The following KCNK10 variants were observed in gnomAD, a reference collection of about 807,000 sequenced individuals.
KCNK10 encodes the protein potassium two pore domain channel subfamily K member 10.
A neutral mutation model predicts 47.7 loss-of-function variants in KCNK10; 25 were observed. That is an observed-to-expected ratio of 0.52 (90% confidence interval 0.38 to 0.73). The LOEUF (loss-of-function observed/expected upper bound fraction) is 0.73, where lower values mean the gene tolerates loss of function less well. Ranked by LOEUF, KCNK10 falls within the 30% of genes least tolerant of loss-of-function variation. KCNK10 has a pLI of 0.00. For synonymous variants in KCNK10, 303 were observed against 285.6 expected, an observed-to-expected ratio of 1.06 and a Z score of -0.61; for missense variants, 563 against 714.5, an observed-to-expected ratio of 0.79 and a Z score of 2.42.
At chr14:88,206,931 T>C (rs897103513) in intron 4 of KCNK10, among the ~76,000 whole-genome samples, 1 of 152,190 alleles carries the variant, frequency 6.6e-6, no homozygotes, top group Non-Finnish European at 1.5e-5. Context: ...GAAGGTAAAT[T>C]GTATACTGTA....
intron 2 of KCNK10, among the ~76,000 whole-genome samples, chr14:88,250,539 G>GACAAACAGAGGGCTGCTCTAGATCT (rs1886764905): frequency 2.6e-5 from 4 of 152,292 alleles, no homozygotes; most frequent in African/African-American, 7.2e-5. Context: ...GCCCAGGGCA[G>GACAAACAGAGGGCTGCTCTAGATCT]ACAAACAGAG....
rs201727669 is a variant in KCNK10 at position 88,185,638 on chromosome 14, G to A, written c.1529C>T (p.Thr510Met). 48 of 1,614,038 alleles carry A rather than the reference G, an allele frequency of 3.0e-5. No homozygotes were observed. The highest frequency in any genetic ancestry group is 3.3e-4 in the Middle Eastern group (2 of 6,084). ...CTCAGCGTGCTGCTGGATACAGTCCGTCAGCATGGCTGTGCTGGAGTTGTC... is the reference window on the plus strand; with the variant it reads ...CTCAGCGTGCTGCTGGATACAGTCCATCAGCATGGCTGTGCTGGAGTTGTC... The part of the protein sequence containing the change: ...NSDNSSTAML[T>M]DCIQQHAELE... Residue 510 changes from threonine (T) to methionine (M), a missense_variant, in exon 7 of 7, where the codon ACG becomes ATG. By Grantham distance (81) the Thr-to-Met change is moderately conservative (BLOSUM62 -1). Transcript: ENST00000319231. The surrounding 1 kb of genome is among the most constrained non-coding windows in gnomAD (Gnocchi z 4.3).
intron 1 of KCNK10, among the ~76,000 whole-genome samples, chr14:88,274,386 AC>A (rs1012757266): frequency 1.3e-4 from 19 of 151,568 alleles, no homozygotes; most frequent in Admixed American, 6.6e-5. Context: ...ACATGCCAAA[AC>A]CCTGTCTCTA....
chr14:88,238,277 T>C (rs1207143334), intron 3 of KCNK10, among the ~76,000 whole-genome samples: 1 of 152,230 alleles, frequency 6.6e-6, no homozygotes, highest in Non-Finnish European at 1.5e-5. Context: ...TGATCTTCTA[T>C]CCAGACCACT....
At chr14:88,272,242 G>A (rs143503477) in intron 1 of KCNK10, among the ~76,000 whole-genome samples, 5 of 152,330 alleles carry the variant, frequency 3.3e-5, no homozygotes, top group South Asian at 4.1e-4. Flanking sequence ...CTCAATCAAC[G>A]TGAGCTGTCC....
At chr14:88,246,838 C>T (rs2139898452) in intron 2 of KCNK10, among the ~76,000 whole-genome samples, 1 of 152,316 alleles carries the variant, frequency 6.6e-6, no homozygotes, top group African/African-American at 2.4e-5. Context: ...TAATACCTTC[C>T]ATACAAGGTT....
At position 88,180,912 on chromosome 14, in the gene KCNK10, T is replaced by C. The variant is rs916895745; in HGVS notation, c.*4623A>G. 1.0e-5 allele frequency: 4 copies of C among 398,542 alleles called. No individual in the cohort carries two copies. Among genetic ancestry groups the C allele is most frequent in the Non-Finnish European group, 1.8e-5 (4 of 226,018 alleles). The allele number at this position is 398,542 out of a possible 1,614,324, so 24.7% of individuals were successfully genotyped here. A position where few individuals can be genotyped will look rare whatever the true frequency, so the allele number is the denominator to read the frequency against. On this transcript the variant is annotated 3_prime_UTR_variant, in exon 7 of 7. Transcript: ENST00000319231. ...CAATGCCACACTAAAGTGATCTTTG[T>C]TTCAGAGAGTTACCCTTTTTCTTTT...
rs751915100 is a variant in KCNK10 at position 88,263,569 on chromosome 14, G to T, written c.53-18C>A. ...AACGGCCACTGAGGAGTCAGGGTGG[G>T]GGACAAAGAAGAAGAGAGTTTGTTT... is the stretch of plus-strand genomic sequence containing the variant. On this transcript the variant is annotated intron_variant, in intron 1 of 6. Transcript: ENST00000319231. The T allele has an allele frequency of 6.9e-6, 11 of 1,595,232 alleles. No individual in the cohort carries two copies. The highest frequency in any genetic ancestry group is 1.7e-6 in the Non-Finnish European group (2 of 1,171,054).
intron 4 of KCNK10, among the ~76,000 whole-genome samples, chr14:88,219,651 G>A (rs759537704): frequency 7.9e-5 from 12 of 152,098 alleles, no homozygotes; most frequent in East Asian, 3.9e-4. Flanking sequence ...CAACTTCTTC[G>A]CTAACAGAAT....
At chr14:88,247,774 C>T (rs1183852203) in intron 2 of KCNK10, among the ~76,000 whole-genome samples, 3 of 152,164 alleles carry the variant, frequency 2.0e-5, no homozygotes, top group Non-Finnish European at 1.5e-5. Flanking sequence ...AATTCATTAG[C>T]CCCTTGGGTA....
chr14:88,234,592 A>G (rs1440899562), intron 3 of KCNK10, among the ~76,000 whole-genome samples: 1 of 152,210 alleles, frequency 6.6e-6, no homozygotes, highest in African/African-American at 2.4e-5. Flanking sequence ...GGCTTCAGAG[A>G]GCAATAAGGC....
chr14:88,216,974 G>A (rs532216273), intron 4 of KCNK10, among the ~76,000 whole-genome samples: 22 of 152,240 alleles, frequency 1.4e-4, no homozygotes, highest in African/African-American at 4.3e-4. Context: ...GGCCAATATG[G>A]TGAAACCTCG....
chr14:88,259,823 C>T (rs980964628), intron 2 of KCNK10, among the ~76,000 whole-genome samples: 1 of 152,116 alleles, frequency 6.6e-6, no homozygotes. Context: ...ATGTCCCTGC[C>T]CAAATCTCAT....
At chr14:88,238,956 C>T (rs8010170) in intron 3 of KCNK10, among the ~76,000 whole-genome samples, 9,938 of 152,080 alleles carry the variant, frequency 0.065, 781 homozygotes, top group African/African-American at 0.19. Context: ...TCAGAACACA[C>T]GGCATTTATT....
At chr14:88,297,853 G>A (rs1416405197) in intron 1 of KCNK10, among the ~76,000 whole-genome samples, 1 of 152,216 alleles carries the variant, frequency 6.6e-6, no homozygotes, top group Non-Finnish European at 1.5e-5. Flanking sequence ...GCATGAAAAT[G>A]AATGGATGTG....
chr14:88,240,194 A>C (rs189111292), intron 3 of KCNK10, among the ~76,000 whole-genome samples: 2 of 152,202 alleles, frequency 1.3e-5, no homozygotes, highest in Admixed American at 1.3e-4. Flanking sequence ...AAGTCAAAAA[A>C]AATCCCCAAA....
At position 88,180,432 on chromosome 14, in the gene KCNK10, G is replaced by A. The variant is rs1884304577; in HGVS notation, c.*5103C>T. 1.1e-5 allele frequency: 2 copies of A among 182,694 alleles called. No individual in the cohort carries two copies. The highest frequency in any genetic ancestry group is 6.2e-5 in the Admixed American group (1 of 16,166). The allele number at this position is 182,694 out of a possible 1,614,324, so 11.3% of individuals were successfully genotyped here. On this transcript the variant is annotated 3_prime_UTR_variant, in exon 7 of 7. Coordinates refer to ENST00000319231, the MANE Select transcript of KCNK10 (RefSeq NM_138317.3). ...CAGAGGCTGGCATGTGAGGTGGTTT[G>A]CATATCACTTCTAGGCACCACTGCA...
intron 3 of KCNK10, among the ~76,000 whole-genome samples, chr14:88,236,085 G>A (rs1384327884): frequency 6.6e-6 from 1 of 152,176 alleles, no homozygotes; most frequent in African/African-American, 2.4e-5. Flanking sequence ...GGAGGCCAAG[G>A]TAGGAGGATC....
chr14:88,324,751 T>C (rs1888626990), upstream of KCNK10, among the ~76,000 whole-genome samples: 2 of 152,196 alleles, frequency 1.3e-5, no homozygotes, highest in South Asian at 4.1e-4. Context: ...AGTTGCATGC[T>C]ACTCTACGGC....
Sources: gnomAD v4.1 joint callset for allele counts (sites outside exome capture counted in the v4.1 genomes callset) on GRCh38, gnomAD v4.1.1 for gene constraint, Gnocchi (gnomAD v3.1) non-coding constraint, MANE v1.5 for transcripts, NCBI Gene and HGNC (gene_info 2026-07-23, HGNC 2026-07-21) for gene names.